Variants in ARK2C observed in about 807,000 individuals in gnomAD.
ARK2C encodes the protein E3 ubiquitin-protein ligase ARK2C.
the ARK2C span, among the ~76,000 whole-genome samples, chr18:46,371,207 C>T: frequency 6.6e-6 from 1 of 152,170 alleles, no homozygotes; most frequent in African/African-American, 2.4e-5. Flanking sequence ...TTATCTCCAC[C>T]TGGCCCTGCC....
chr18:46,391,056 G>T, the ARK2C span, among the ~76,000 whole-genome samples: 1 of 152,180 alleles, frequency 6.6e-6, no homozygotes, highest in Non-Finnish European at 1.5e-5. Context: ...GGTCTGAATT[G>T]AACTCTGCTT....
the ARK2C span, among the ~76,000 whole-genome samples, chr18:46,349,032 A>G: frequency 2.0e-5 from 3 of 151,976 alleles, no homozygotes; most frequent in Admixed American, 6.6e-5. Flanking sequence ...CTAGCTCAAG[A>G]CTGGCCAGAA....
chr18:46,353,721 C>T, the ARK2C span, among the ~76,000 whole-genome samples: 1 of 152,150 alleles, frequency 6.6e-6, no homozygotes. Flanking sequence ...GTTGTGGCCC[C>T]CTCCCATGCT....
At chr18:46,352,934 G>A in the ARK2C span, among the ~76,000 whole-genome samples, 4 of 152,206 alleles carry the variant, frequency 2.6e-5, no homozygotes, top group African/African-American at 9.6e-5. Flanking sequence ...CCTGGGTGGA[G>A]CTCCTCCTTT....
the ARK2C span, chr18:46,335,173 T>G: frequency 6.6e-6 from 1 of 152,418 alleles, no homozygotes; most frequent in South Asian, 2.1e-4. Flanking sequence ...CGTCCGGCCC[T>G]TGGGTGTTGT....
At chr18:46,392,930 C>T in the ARK2C span, among the ~76,000 whole-genome samples, 1 of 152,054 alleles carries the variant, frequency 6.6e-6, no homozygotes, top group Non-Finnish European at 1.5e-5. Context: ...GCTCCAGAAA[C>T]CCAAGAAACA....
At chr18:46,439,444 C>T in the ARK2C span, among the ~76,000 whole-genome samples, 5 of 152,168 alleles carry the variant, frequency 3.3e-5, no homozygotes, top group African/African-American at 1.2e-4. Flanking sequence ...TGAGGTTGAA[C>T]CTTCTGAGGC....
At chr18:46,379,838 A>G in the ARK2C span, among the ~76,000 whole-genome samples, 1 of 152,234 alleles carries the variant, frequency 6.6e-6, no homozygotes, top group African/African-American at 2.4e-5. Flanking sequence ...CTGTCCTGAG[A>G]GGGTGCCCCT....
At chr18:46,417,596 C>T in the ARK2C span, among the ~76,000 whole-genome samples, 1 of 152,226 alleles carries the variant, frequency 6.6e-6, no homozygotes, top group Non-Finnish European at 1.5e-5. Flanking sequence ...AAATGGAACC[C>T]CCCCAACCTT....
chr18:46,347,717 G>T, the ARK2C span, among the ~76,000 whole-genome samples: 6 of 152,122 alleles, frequency 3.9e-5, no homozygotes, highest in Non-Finnish European at 8.8e-5. Context: ...CATGCACAGA[G>T]TCCCCCTGCC....
the ARK2C span, among the ~76,000 whole-genome samples, chr18:46,363,285 C>G: frequency 6.9e-4 from 105 of 152,334 alleles, no homozygotes; most frequent in African/African-American, 2.4e-3. Context: ...ATTCTTCTAC[C>G]ACCTTTGGCT....
chr18:46,458,977 T>C, the ARK2C span: 1 of 152,218 alleles, frequency 6.6e-6, no homozygotes, highest in Non-Finnish European at 1.5e-5. Context: ...AGTCAGGATT[T>C]TGGGGGAAAG....
chr18:46,447,466 A>G, the ARK2C span: 1 of 1,344,252 alleles, frequency 7.4e-7, no homozygotes, highest in South Asian at 1.3e-5. Flanking sequence ...GCAGGGTGTC[A>G]CTCCAATTCT....
chr18:46,367,735 A>C, the ARK2C span, among the ~76,000 whole-genome samples: 1 of 152,226 alleles, frequency 6.6e-6, no homozygotes, highest in African/African-American at 2.4e-5. Flanking sequence ...TTTGTGCTTT[A>C]GTCAAGATCA....
the ARK2C span, chr18:46,336,112 A>G: frequency 1.0e-6 from 1 of 984,846 alleles, no homozygotes; most frequent in African/African-American, 1.7e-5. Flanking sequence ...TTGAAATGCC[A>G]CCCCCTCTCT....
chr18:46,447,632 G>A, the ARK2C span: 1 of 1,614,060 alleles, frequency 6.2e-7, no homozygotes, highest in Non-Finnish European at 8.5e-7. Context: ...AGCACTATCA[G>A]CATTACCTAG....
At chr18:46,338,418 C>T in the ARK2C span, among the ~76,000 whole-genome samples, 7 of 152,178 alleles carry the variant, frequency 4.6e-5, no homozygotes, top group East Asian at 1.3e-3. Context: ...GGCTGTGAGC[C>T]AGTTAAAGCT....
the ARK2C span, among the ~76,000 whole-genome samples, chr18:46,421,103 A>C: frequency 6.6e-6 from 1 of 152,306 alleles, no homozygotes; most frequent in Admixed American, 6.5e-5. Context: ...TGTGATGCAC[A>C]CTGACCACCT....
the ARK2C span, among the ~76,000 whole-genome samples, chr18:46,343,390 G>C: frequency 6.6e-6 from 1 of 152,334 alleles, no homozygotes; most frequent in South Asian, 2.1e-4. Flanking sequence ...TTTCCCATCA[G>C]TCAAATGGGC....
Sources: allele counts gnomAD v4.1 joint callset (sites outside exome capture counted in the v4.1 genomes callset), GRCh38; gene constraint gnomAD v4.1.1; transcripts MANE v1.5; gene names NCBI Gene and HGNC (gene_info 2026-07-23, HGNC 2026-07-21).